The following SYT14 variants were observed in gnomAD, a reference collection of about 807,000 sequenced individuals.
The protein encoded by SYT14 is synaptotagmin 14, also known as synaptotagmin-14.
In SYT14, 32 loss-of-function variants were observed where a neutral mutation model predicts 74.2. The ratio of observed to expected loss-of-function variants is 0.43; its 90% CI spans 0.33 to 0.58. SYT14 has a LOEUF of 0.58. SYT14 is among the 20% of genes least tolerant of loss of function. The probability of loss-of-function intolerance (pLI) is 0.05; values close to 1 mark genes in which losing one functional copy is unlikely to be tolerated. For synonymous variants in SYT14, 298 were observed against 337.7 expected (o/e 0.88, Z 1.29); for missense variants, 791 against 981.8 (o/e 0.81, Z 2.60).
At chr1:209,944,324 G>A (rs2078786635) in intron 1 of SYT14, among the ~76,000 whole-genome samples, 2 of 152,072 alleles carry the variant, frequency 1.3e-5, no homozygotes, top group South Asian at 4.1e-4. Context: ...TTGACTAAAC[G>A]GATTGAATTA....
At chr1:210,052,665 C>CAAAAAAAAAAAAAAAAAAAAAAAAAAAAA (rs561069342) in intron 5 of SYT14, among the ~76,000 whole-genome samples, 2 of 42,266 alleles carry the variant, frequency 4.7e-5, no homozygotes, top group African/African-American at 1.1e-4. Flanking sequence ...TACATCTCAC[C>CAAAAAAAAAAAAAAAAAAAAAAAAAAAAA]AAAAAAAAAA....
At chr1:210,000,466 G>GCGCA (rs1553264180) in intron 2 of SYT14, among the ~76,000 whole-genome samples, 32,922 of 143,030 alleles carry the variant, frequency 0.23, 3,862 homozygotes, top group Non-Finnish European at 0.28. Flanking sequence ...GTCCTCATAC[G>GCGCA]CACACACACA....
chr1:210,115,872 C>T (rs1224772526), intron 7 of SYT14, among the ~76,000 whole-genome samples: 14 of 151,218 alleles, frequency 9.3e-5, no homozygotes, highest in Admixed American at 9.2e-4. Flanking sequence ...GTGAAGAGAC[C>T]ACCAGGCTTT....
At chr1:210,168,258 C>T (rs372466329) in exon 10 of SYT14, 18 of 152,232 alleles carry the variant, frequency 1.2e-4, no homozygotes, top group Admixed American at 7.2e-4. Flanking sequence ...AACAAAGTCA[C>T]TGTGGTGGCA....
At chr1:210,089,685 A>G (rs1355005232) in intron 5 of SYT14, among the ~76,000 whole-genome samples, 1 of 152,100 alleles carries the variant, frequency 6.6e-6, no homozygotes, top group Non-Finnish European at 1.5e-5. Flanking sequence ...TTCTAGCTAT[A>G]TTTTTGTTTC....
chr1:209,943,791 A>G (rs976019741), intron 1 of SYT14, among the ~76,000 whole-genome samples: 3 of 152,306 alleles, frequency 2.0e-5, no homozygotes, highest in Non-Finnish European at 1.5e-5. Context: ...AAGTGCTTAC[A>G]TATGAATAAT....
intron 5 of SYT14, among the ~76,000 whole-genome samples, chr1:210,042,293 T>G (rs528425708): frequency 6.6e-6 from 1 of 152,334 alleles, no homozygotes; most frequent in African/African-American, 2.4e-5. Flanking sequence ...TTGAATTACT[T>G]TAACCATACA....
At chr1:210,143,702 TTGAA>T (rs1263242657) in intron 7 of SYT14, among the ~76,000 whole-genome samples, 3 of 152,154 alleles carry the variant, frequency 2.0e-5, no homozygotes, top group Admixed American at 6.5e-5. Flanking sequence ...ATGTGGTCAT[TTGAA>T]TGACCATTCA....
chr1:210,000,211 A>T (rs945871166), intron 2 of SYT14, among the ~76,000 whole-genome samples: 3 of 152,098 alleles, frequency 2.0e-5, no homozygotes, highest in Non-Finnish European at 4.4e-5. Context: ...ATTTGTAAGT[A>T]TTATATTAGT....
intron 5 of SYT14, among the ~76,000 whole-genome samples, chr1:210,089,691 G>A (rs906092022): frequency 6.6e-5 from 10 of 151,948 alleles, no homozygotes; most frequent in African/African-American, 2.2e-4. Flanking sequence ...CTATATTTTT[G>A]TTTCTGATTT....
In SYT14 at chr1:209,953,072, C is replaced by T. The variant is rs748128537; in HGVS notation, c.-486+316C>T. On this transcript the variant is annotated intron_variant, in intron 2 of 9. Transcript: ENST00000637265. ...CCTTTCAGAATCTGGAATCTGAGTG[C>T]ATGCTGATCTCCCATTGACTTCTGT... The T allele has an allele frequency of 2.1e-5, 28 of 1,336,820 alleles. No individual in the cohort carries two copies. The Middle Eastern group carries it at 8.9e-4, about 43-fold the overall frequency. 82.8% of individuals were successfully genotyped at this position (1,336,820 alleles called of 1,614,324 possible).
rs180720423 is a variant in SYT14, at chr1:210,117,029, A to G, written c.2034+16568A>G. On this transcript the variant is annotated intron_variant, in intron 7 of 9. Coordinates refer to ENST00000637265, the Ensembl canonical transcript of SYT14. ...TCAGGAGTTGTTTTATTTTTAAATA[A>G]TAATTGATTAATTAGGGACATATGT... is the stretch of plus-strand genomic sequence containing the variant. Among the ~76,000 whole-genome samples the G allele has an allele frequency of 5.8e-3, 877 of 152,318 alleles. 11 individuals are homozygous for G. The highest frequency in any genetic ancestry group is 0.02 in the African/African-American group (835 of 41,580).
chr1:209,944,662 C>T (rs1272167803), intron 1 of SYT14, among the ~76,000 whole-genome samples: 1 of 151,668 alleles, frequency 6.6e-6, no homozygotes, highest in Non-Finnish European at 1.5e-5. Context: ...TTTAATTCTA[C>T]AGTAATTGCA....
At chr1:210,068,099 T>A (rs1221128366) in intron 5 of SYT14, among the ~76,000 whole-genome samples, 4 of 151,924 alleles carry the variant, frequency 2.6e-5, no homozygotes, top group African/African-American at 9.7e-5. Flanking sequence ...TCTTATTGAA[T>A]TAAGGAAATT....
intron 5 of SYT14, among the ~76,000 whole-genome samples, chr1:210,022,944 A>G (rs761934384): frequency 6.6e-6 from 1 of 152,130 alleles, no homozygotes; most frequent in Non-Finnish European, 1.5e-5. Flanking sequence ...TGGAAAGAGC[A>G]GTGAGGAGAG....
Position 210,109,061 on chromosome 1 carries a change from C to T in SYT14, c.2034+8600C>T, listed in dbSNP as rs571991663. ...ACACTGAAGTTACAAAAGATGATGA[C>T]GGAAGTTGAAGTGTAAGAAGGTTGA... is the stretch of plus-strand genomic sequence containing the variant. On this transcript the variant is annotated intron_variant, in intron 7 of 9. Coordinates refer to ENST00000637265, the Ensembl canonical transcript of SYT14. 3.3e-5 allele frequency among the ~76,000 whole-genome samples: 5 copies of T among 151,756 alleles called. No homozygotes were observed. The East Asian group carries it at 9.8e-4, about 30-fold the overall frequency.
intron 5 of SYT14, among the ~76,000 whole-genome samples, chr1:210,051,668 T>C (rs2080999338): frequency 6.6e-6 from 1 of 152,194 alleles, no homozygotes; most frequent in South Asian, 2.1e-4. Context: ...ATTTTTTCTT[T>C]TGCATTTTTC....
intron 9 of SYT14, among the ~76,000 whole-genome samples, chr1:210,159,930 A>C (rs2083340258): frequency 6.6e-6 from 1 of 152,184 alleles, no homozygotes; most frequent in Non-Finnish European, 1.5e-5. Context: ...CACTTCGTAC[A>C]CTAAACATCA....
In SYT14 at chr1:209,996,101, T is replaced by C. The variant is rs75077668; in HGVS notation, c.-485-17532T>C. 2.0e-5 allele frequency among the ~76,000 whole-genome samples: 3 copies of C among 152,082 alleles called. No individual in the cohort carries two copies. In the East Asian group the frequency reaches 5.8e-4, roughly 29 times the overall value. ...AGAAGAAAAAATACCAACCCAAAGC[T>C]AGCCGAAGAAAAGAAAGAACTAAAA... On this transcript the variant is annotated intron_variant, in intron 2 of 9. Transcript: ENST00000637265.
Sources: gnomAD v4.1 joint callset for allele counts (sites outside exome capture counted in the v4.1 genomes callset) on GRCh38, gnomAD v4.1.1 for gene constraint, MANE v1.5 for transcripts, NCBI Gene and HGNC (gene_info 2026-07-23, HGNC 2026-07-21) for gene names.